The following DOCK10 variants were observed in gnomAD, a reference collection of about 807,000 sequenced individuals.
DOCK10 encodes the protein dedicator of cytokinesis 10.
DOCK10 carries 145 observed loss-of-function variants against 280.1 expected under a neutral mutation model. That is an observed-to-expected ratio of 0.52 (90% CI 0.45 to 0.59). DOCK10 has a LOEUF of 0.59. Ranked by LOEUF, DOCK10 falls within the 20% of genes least tolerant of loss-of-function variation. DOCK10 has a pLI of 0.00. For synonymous variants in DOCK10, 915 were observed against 942.2 expected (o/e 0.97, Z 0.53); for missense variants, 2,368 against 2,651.7 (o/e 0.89, Z 2.35).
chr2:224,915,809 G>T (rs1264066636), intron 3 of DOCK10, among the ~76,000 whole-genome samples: 1 of 152,168 alleles, frequency 6.6e-6, no homozygotes, highest in Admixed American at 6.6e-5. Flanking sequence ...CTATGCACTG[G>T]CTCAATTCCT....
At chr2:224,913,062 ACTAAG>A (rs1701123353) in intron 3 of DOCK10, among the ~76,000 whole-genome samples, 1 of 152,098 alleles carries the variant, frequency 6.6e-6, no homozygotes. Context: ...GGGCATCAAA[ACTAAG>A]CTATTTAAAT....
In DOCK10 at chr2:224,845,518, C is replaced by A; in HGVS notation, c.2359+1G>T. ...TGCCTCAGATTTCTTCCTGGCAGTACCTGACGTTTCCAGAGCCTCCTTCTT... is the reference window on the plus strand; with the variant it reads ...TGCCTCAGATTTCTTCCTGGCAGTAACTGACGTTTCCAGAGCCTCCTTCTT... On this transcript the variant is annotated splice_donor_variant, in intron 20 of 55. Coordinates refer to ENST00000258390, the MANE Select transcript of DOCK10 (RefSeq NM_014689.3). LOFTEE classifies it high-confidence loss of function. 6.2e-7 allele frequency: 1 copy of A among 1,611,456 alleles called. No individual in the cohort carries two copies. Among genetic ancestry groups the A allele is most frequent in the Non-Finnish European group, 8.5e-7 (1 of 1,179,182 alleles).
At chr2:224,915,602 C>T (rs1292192086) in intron 3 of DOCK10, among the ~76,000 whole-genome samples, 3 of 151,984 alleles carry the variant, frequency 2.0e-5, no homozygotes, top group African/African-American at 4.8e-5. Context: ...TGTTAAGAGC[C>T]GAGAAAAGAT....
At chr2:224,962,232 T>C (rs1443283080) in intron 1 of DOCK10, among the ~76,000 whole-genome samples, 5 of 152,214 alleles carry the variant, frequency 3.3e-5, no homozygotes, top group Non-Finnish European at 5.9e-5. Flanking sequence ...AAATAAATAC[T>C]TCCAGTTATT....
chr2:224,967,360 G>T (rs569583908), intron 1 of DOCK10, among the ~76,000 whole-genome samples: 5 of 152,180 alleles, frequency 3.3e-5, no homozygotes, highest in African/African-American at 4.8e-5. Context: ...GATTACAGGC[G>T]TGAGCCACCG....
intron 48 of DOCK10, among the ~76,000 whole-genome samples, chr2:224,787,764 T>A (rs930906839): frequency 1.3e-5 from 2 of 152,096 alleles, no homozygotes; most frequent in African/African-American, 4.8e-5. Flanking sequence ...GATCATGAGA[T>A]CTCCAGTGCC....
chr2:224,806,084 G>T, intron 34 of DOCK10, 42 bp downstream of exon 34: 2 of 1,154,088 alleles, frequency 1.7e-6, no homozygotes, highest in Non-Finnish European at 2.5e-6. Context: ...TGTAAAGGTG[G>T]ATGAGTGTTA....
intron 3 of DOCK10, among the ~76,000 whole-genome samples, chr2:224,912,090 A>C (rs1470716510): frequency 6.6e-6 from 1 of 152,174 alleles, no homozygotes; most frequent in Non-Finnish European, 1.5e-5. Flanking sequence ...TTTGCAGACA[A>C]GTTTAGGCAA....
At chr2:224,858,449 G>A (rs1389873972) in intron 14 of DOCK10, among the ~76,000 whole-genome samples, 1 of 152,166 alleles carries the variant, frequency 6.6e-6, no homozygotes, top group Non-Finnish European at 1.5e-5. Flanking sequence ...ACGAGGTCAG[G>A]AGACTCAGAC....
intron 1 of DOCK10, among the ~76,000 whole-genome samples, chr2:225,026,587 C>T (rs979383084): frequency 6.6e-6 from 1 of 152,294 alleles, no homozygotes; most frequent in Non-Finnish European, 1.5e-5. Flanking sequence ...TTGAGATTTC[C>T]TGGATCCACT....
At chr2:224,929,750 T>A (rs997968142) in intron 2 of DOCK10, among the ~76,000 whole-genome samples, 3 of 152,174 alleles carry the variant, frequency 2.0e-5, no homozygotes, top group Non-Finnish European at 4.4e-5. Context: ...TAAATGAGCA[T>A]GGGAAGATGC....
At chr2:224,940,024 T>C (rs1240591162) in intron 1 of DOCK10, among the ~76,000 whole-genome samples, 3 of 152,216 alleles carry the variant, frequency 2.0e-5, no homozygotes, top group Non-Finnish European at 4.4e-5. Flanking sequence ...AGAAGCAGCC[T>C]TGGTGGATTT....
chr2:224,909,206 C>G (rs1215473950), intron 3 of DOCK10, among the ~76,000 whole-genome samples: 1 of 152,180 alleles, frequency 6.6e-6, no homozygotes, highest in African/African-American at 2.4e-5. Flanking sequence ...AAGTTTGCAT[C>G]CTATTTCTAG....
chr2:225,000,933 G>A (rs1348245865), intron 1 of DOCK10, among the ~76,000 whole-genome samples: 1 of 152,188 alleles, frequency 6.6e-6, no homozygotes. Context: ...CCGAGATCGT[G>A]CCACTGCACT....
chr2:224,846,239 A>G (rs751436927), intron 19 of DOCK10, among the ~76,000 whole-genome samples: 11 of 152,240 alleles, frequency 7.2e-5, no homozygotes, highest in South Asian at 6.2e-4. Flanking sequence ...GCACATACAT[A>G]TGCATAAACA....
At chr2:224,898,593 T>C (rs1253213387) in intron 3 of DOCK10, among the ~76,000 whole-genome samples, 2 of 152,216 alleles carry the variant, frequency 1.3e-5, no homozygotes, top group African/African-American at 2.4e-5. Context: ...AGCCTTTTTT[T>C]TGAGACGGAG....
chr2:224,998,284 T>C (rs1326185110), intron 1 of DOCK10, among the ~76,000 whole-genome samples: 9 of 140,916 alleles, frequency 6.4e-5, no homozygotes, highest in African/African-American at 2.2e-4. Flanking sequence ...GCTGCTTCTC[T>C]GTGAGTCAGG....
chr2:224,972,590 T>G (rs894857973), intron 1 of DOCK10, among the ~76,000 whole-genome samples: 2 of 152,206 alleles, frequency 1.3e-5, no homozygotes, highest in Non-Finnish European at 2.9e-5. Flanking sequence ...ACAAATGAGA[T>G]ACAATCTATT....
In DOCK10 at chr2:224,778,146, A is replaced by G. The variant is rs768672574; in HGVS notation, c.5794T>C (p.Ser1932Pro). The stretch of plus-strand genomic sequence containing the variant: ...TACTGATTTTCCTCTACCTTGTTGG[A>G]ATCCTGGATTATCTTCACATTGTCT... ...GADNVKIIQD[S>P]NKVNPKDLDP... Residue 1932 changes from serine to proline, a missense_variant, in exon 51 of 56, where the codon TCC (serine) becomes CCC (proline). By Grantham distance (74) the Ser-to-Pro change is moderately conservative. Around this residue, in one of 2 missense-constraint regions of DOCK10, gnomAD observed 1,159 missense variants for 1,400.8 expected, o/e 0.83. Transcript: ENST00000258390. 3.1e-6 allele frequency: 5 copies of G among 1,613,208 alleles called. No homozygotes were observed. The highest frequency in any genetic ancestry group is 1.1e-5 in the South Asian group (1 of 90,920).
Sources: gnomAD v4.1 joint callset for allele counts (sites outside exome capture counted in the v4.1 genomes callset) on GRCh38, gnomAD v4.1.1 for gene constraint, gnomAD v4.1.1 regional missense constraint, MANE v1.5 for transcripts, NCBI Gene and HGNC (gene_info 2026-07-23, HGNC 2026-07-21) for gene names.